Variants in FTCDNL1 observed in about 807,000 individuals in gnomAD.
The protein encoded by FTCDNL1 is formiminotransferase cyclodeaminase N-terminal like.
In FTCDNL1, 11 loss-of-function variants were observed where a neutral mutation model predicts 5.9. That is an observed-to-expected ratio of 1.87 (90% confidence interval 1.18 to 3.10). The LOEUF (loss-of-function observed/expected upper bound fraction) is 3.10, where lower values mean the gene tolerates loss of function less well. Ranked by LOEUF, FTCDNL1 falls within the 30% of genes most tolerant of loss-of-function variation. The probability of loss-of-function intolerance (pLI) is 0.00; values close to 1 mark genes in which losing one functional copy is unlikely to be tolerated. For synonymous variants in FTCDNL1, 58 were observed against 24.8 expected, an observed-to-expected ratio of 2.34 and a Z score of -3.99; for missense variants, 115 against 65.5, an observed-to-expected ratio of 1.76 and a Z score of -2.61.
chr2:199,674,285 T>C, the FTCDNL1 span, among the ~76,000 whole-genome samples: 2 of 152,054 alleles, frequency 1.3e-5, no homozygotes, highest in African/African-American at 4.8e-5. Flanking sequence ...ACAGCTCAAG[T>C]GAGAAGACTT....
intron 3 of FTCDNL1, among the ~76,000 whole-genome samples, chr2:199,774,837 A>G (rs778048364): frequency 1.3e-5 from 2 of 152,130 alleles, no homozygotes. Flanking sequence ...CATTCACAGT[A>G]TCTCTCAAAT....
At chr2:199,772,599 C>T (rs1037832485) in intron 3 of FTCDNL1, among the ~76,000 whole-genome samples, 7 of 152,252 alleles carry the variant, frequency 4.6e-5, no homozygotes, top group South Asian at 2.1e-4. Flanking sequence ...CTCTGAAGCA[C>T]GTGTCTTACC....
At chr2:199,676,271 TG>T in the FTCDNL1 span, among the ~76,000 whole-genome samples, 1 of 152,186 alleles carries the variant, frequency 6.6e-6, no homozygotes, top group African/African-American at 2.4e-5. Flanking sequence ...TGCCAGACCT[TG>T]CTGGTCAGTG....
At chr2:199,755,346 G>T in the FTCDNL1 span, among the ~76,000 whole-genome samples, 1 of 152,110 alleles carries the variant, frequency 6.6e-6, no homozygotes, top group Admixed American at 6.5e-5. Context: ...ATACAAATTT[G>T]CTCAGCTAAA....
At chr2:199,725,716 A>T in the FTCDNL1 span, among the ~76,000 whole-genome samples, 2 of 152,122 alleles carry the variant, frequency 1.3e-5, no homozygotes, top group Non-Finnish European at 2.9e-5. Flanking sequence ...ATTGTCCTCC[A>T]ATCTCTTCTG....
At chr2:199,748,382 G>A in the FTCDNL1 span, among the ~76,000 whole-genome samples, 3 of 151,994 alleles carry the variant, frequency 2.0e-5, no homozygotes, top group Admixed American at 1.3e-4. Context: ...TGAAAACTAT[G>A]TTACCAAAGT....
the FTCDNL1 span, among the ~76,000 whole-genome samples, chr2:199,686,717 CT>C: frequency 6.6e-6 from 1 of 152,094 alleles, no homozygotes; most frequent in Non-Finnish European, 1.5e-5. Context: ...TCCCAGATGA[CT>C]ATGAAAAACA....
intron 3 of FTCDNL1, among the ~76,000 whole-genome samples, chr2:199,834,439 CTG>C (rs1163110770): frequency 6.6e-6 from 1 of 152,136 alleles, no homozygotes; most frequent in Non-Finnish European, 1.5e-5. Flanking sequence ...GGGAAAGAAA[CTG>C]GATGTGCACA....
chr2:199,765,549 TATA>T (rs1559169075), intron 3 of FTCDNL1, among the ~76,000 whole-genome samples: 5 of 96,312 alleles, frequency 5.2e-5, no homozygotes, highest in African/African-American at 1.1e-4. Context: ...TATATATATA[TATA>T]TATATTTTTT....
chr2:199,766,840 C>T lies in FTCDNL1; in HGVS notation c.212-6005G>A, dbSNP rs181119672. ...AAAATCCCTAAAGAATTTTCACTTC[C>T]AGCAATGTTTTCTGACTTCCTCTTG... On this transcript the variant is annotated intron_variant, in intron 3 of 3. Transcript: ENST00000416668. Among the ~76,000 whole-genome samples the T allele has an allele frequency of 2.0e-5, 3 of 152,066 alleles. No individual in the cohort carries two copies. In the East Asian group the frequency reaches 5.8e-4, roughly 29 times the overall value.
chr2:199,733,380 G>A, the FTCDNL1 span, among the ~76,000 whole-genome samples: 3 of 152,228 alleles, frequency 2.0e-5, no homozygotes, highest in South Asian at 2.1e-4. Flanking sequence ...GTGCAAGCAA[G>A]AAGACCTGCC....
the FTCDNL1 span, among the ~76,000 whole-genome samples, chr2:199,681,858 T>C: frequency 2.0e-5 from 3 of 152,154 alleles, no homozygotes; most frequent in Non-Finnish European, 4.4e-5. Context: ...TCCTTCTCTA[T>C]TAACCATTCT....
downstream of FTCDNL1, among the ~76,000 whole-genome samples, chr2:199,756,702 TAG>T (rs1306631995): frequency 6.6e-6 from 1 of 152,226 alleles, no homozygotes; most frequent in East Asian, 1.9e-4. Context: ...CACAACAGGT[TAG>T]GTTATGCTGC....
At chr2:199,818,402 G>C (rs1701481457) in intron 4 of FTCDNL1, 1 of 151,996 alleles carries the variant, frequency 6.6e-6, no homozygotes, top group South Asian at 2.1e-4. Flanking sequence ...ATCTTCATAG[G>C]GAAGAAAAAA....
chr2:199,736,061 G>C, the FTCDNL1 span, among the ~76,000 whole-genome samples: 1 of 152,124 alleles, frequency 6.6e-6, no homozygotes, highest in African/African-American at 2.4e-5. Context: ...TGTGACTATT[G>C]GGAAGTAAAT....
the FTCDNL1 span, among the ~76,000 whole-genome samples, chr2:199,724,392 C>A: frequency 6.6e-6 from 1 of 151,994 alleles, no homozygotes; most frequent in South Asian, 2.1e-4. Flanking sequence ...TTCAGTTTCA[C>A]TCTGATCTTA....
chr2:199,788,696 T>A (rs1465817625), intron 3 of FTCDNL1, among the ~76,000 whole-genome samples: 1 of 151,572 alleles, frequency 6.6e-6, no homozygotes, highest in African/African-American at 2.4e-5. Flanking sequence ...AAAGGTGAAA[T>A]TAATAAAATA....
At chr2:199,722,036 A>G in the FTCDNL1 span, among the ~76,000 whole-genome samples, 1 of 152,242 alleles carries the variant, frequency 6.6e-6, no homozygotes, top group Non-Finnish European at 1.5e-5. Context: ...GACCTTTGTC[A>G]GATGGATAGA....
intron 3 of FTCDNL1, among the ~76,000 whole-genome samples, chr2:199,801,821 C>T (rs763160651): frequency 2.0e-5 from 3 of 151,418 alleles, no homozygotes; most frequent in Middle Eastern, 3.2e-3. Flanking sequence ...GCCTGTAGTC[C>T]CAGCTATTCA....
Sources: allele counts gnomAD v4.1 joint callset (sites outside exome capture counted in the v4.1 genomes callset), GRCh38; gene constraint gnomAD v4.1.1; transcripts MANE v1.5; gene names NCBI Gene and HGNC (gene_info 2026-07-23, HGNC 2026-07-21).